TNKS: variants seen among roughly 807,000 people sequenced by gnomAD.
TNKS encodes poly [ADP-ribose] polymerase tankyrase-1.
A neutral mutation model predicts 135.8 loss-of-function variants in TNKS; 72 were observed. The observed-to-expected ratio is 0.53, with a 90% CI of 0.44 to 0.64. The LOEUF is 0.64. TNKS is among the 30% of genes least tolerant of loss of function. TNKS has a pLI of 0.00. For synonymous variants in TNKS, 849 were observed against 649.3 expected, an observed-to-expected ratio of 1.31 and a Z score of -4.68; for missense variants, 1,769 against 1,674.0, an observed-to-expected ratio of 1.06 and a Z score of -0.99.
At chr8:9,666,188 A>G (rs2128790428) in intron 3 of TNKS, among the ~76,000 whole-genome samples, 1 of 152,310 alleles carries the variant, frequency 6.6e-6, no homozygotes, top group Middle Eastern at 3.4e-3. Flanking sequence ...CACTCGTCAC[A>G]GCTGGCTGCT....
intron 3 of TNKS, among the ~76,000 whole-genome samples, chr8:9,674,126 A>G (rs749309229): frequency 3.3e-5 from 5 of 152,184 alleles, no homozygotes; most frequent in Non-Finnish European, 7.3e-5. Flanking sequence ...AAGTCTGTTT[A>G]AAGCAACATT....
chr8:9,636,477 G>C (rs1401130795), intron 3 of TNKS, among the ~76,000 whole-genome samples: 1 of 151,716 alleles, frequency 6.6e-6, no homozygotes, highest in Non-Finnish European at 1.5e-5. Context: ...TAACTGCATT[G>C]ATGGTCTTTT....
At chr8:9,749,589 C>G (rs1806412241) in intron 18 of TNKS, among the ~76,000 whole-genome samples, 1 of 151,640 alleles carries the variant, frequency 6.6e-6, no homozygotes, top group Non-Finnish European at 1.5e-5. Context: ...ATCCTCGTAT[C>G]TCAATCTCCT....
At chr8:9,628,304 T>G (rs962160255) in intron 3 of TNKS, among the ~76,000 whole-genome samples, 2 of 152,224 alleles carry the variant, frequency 1.3e-5, no homozygotes, top group African/African-American at 4.8e-5. Context: ...TAAACTCACC[T>G]GGTACTGTTT....
At chr8:9,754,560 T>G (rs745699029) in intron 20 of TNKS, among the ~76,000 whole-genome samples, 6 of 152,158 alleles carry the variant, frequency 3.9e-5, no homozygotes, top group Non-Finnish European at 7.3e-5. Flanking sequence ...TTAATGCTCT[T>G]AATGATAAGA....
intron 3 of TNKS, among the ~76,000 whole-genome samples, chr8:9,646,690 A>G (rs1020497009): frequency 4.6e-5 from 7 of 152,196 alleles, no homozygotes; most frequent in Non-Finnish European, 1.0e-4. Context: ...CAGTGCATGG[A>G]TATTTCAGTA....
At position 9,615,616 on chromosome 8, in the gene TNKS, G is replaced by T; in HGVS notation, c.933G>T (p.Arg311=). The T allele has an allele frequency of 1.2e-6, 2 of 1,613,622 alleles. No individual in the cohort carries two copies. Among genetic ancestry groups the T allele is most frequent in the South Asian group, 2.2e-5 (2 of 90,930 alleles). The change falls in exon 3 of 27, where the codon CGG becomes CGT. Residue 311 remains arginine, a synonymous_variant. Coordinates refer to ENST00000310430, the MANE Select transcript of TNKS (RefSeq NM_003747.3). ...LLQHGADPNI[R]NTDGKSALDL... Reference sequence around the variant, plus strand: ...AGCACGGAGCTGACCCAAACATTCGGAACACTGATGGGAAATCAGCCCTGG... The same window carrying T: ...AGCACGGAGCTGACCCAAACATTCGTAACACTGATGGGAAATCAGCCCTGG...
intron 25 of TNKS, among the ~76,000 whole-genome samples, chr8:9,768,335 G>C (rs1807593514): frequency 6.6e-6 from 1 of 152,168 alleles, no homozygotes; most frequent in African/African-American, 2.4e-5. Context: ...GAGTGCAGTC[G>C]ATTGCCCAGT....
At chr8:9,721,414 C>G (rs1464360571) in intron 12 of TNKS, among the ~76,000 whole-genome samples, 1 of 150,888 alleles carries the variant, frequency 6.6e-6, no homozygotes, top group Non-Finnish European at 1.5e-5. Context: ...TCCTAAGTCC[C>G]AAAACTAGAG....
intron 5 of TNKS, among the ~76,000 whole-genome samples, chr8:9,701,453 T>C (rs1803800312): frequency 6.6e-6 from 1 of 152,206 alleles, no homozygotes. Context: ...CTATACTAGC[T>C]TGCTGACTTA....
At chr8:9,595,530 C>T (rs1265717216) in intron 2 of TNKS, among the ~76,000 whole-genome samples, 3 of 151,536 alleles carry the variant, frequency 2.0e-5, no homozygotes, top group African/African-American at 7.3e-5. Flanking sequence ...TTATTCTGTA[C>T]AATAGTGGTA....
chr8:9,721,972 G>C (rs950298002), intron 12 of TNKS, among the ~76,000 whole-genome samples: 2 of 151,624 alleles, frequency 1.3e-5, no homozygotes, highest in Admixed American at 1.3e-4. Flanking sequence ...AGAATCACTG[G>C]AACCTAGGAG....
chr8:9,625,658 T>TA (rs532838428), intron 3 of TNKS, among the ~76,000 whole-genome samples: 65 of 152,320 alleles, frequency 4.3e-4, no homozygotes, highest in African/African-American at 1.4e-3. Context: ...ACAGACTATT[T>TA]AGAGTATGGT....
rs531276068 is a variant in TNKS at position 9,629,289 on chromosome 8, G to T, written c.994+13612G>T. ...GATGCAGACTCCTAATCTTGCCGAG[G>T]AGTGACATTGCAGCCCAGCTGTAGA... is the stretch of plus-strand genomic sequence containing the variant. On this transcript the variant is annotated intron_variant, in intron 3 of 26. Transcript: ENST00000310430. Among the ~76,000 whole-genome samples, 118 of 152,314 alleles carry T rather than the reference G, an allele frequency of 7.7e-4. 1 individual carries two copies. Among genetic ancestry groups the T allele is most frequent in the Non-Finnish European group, 1.3e-3 (88 of 68,026 alleles).
intron 5 of TNKS, among the ~76,000 whole-genome samples, chr8:9,692,997 T>A (rs539285201): frequency 6.6e-6 from 1 of 152,356 alleles, no homozygotes; most frequent in South Asian, 2.1e-4. Flanking sequence ...CTTCTTAGTT[T>A]CTTAGCAGAT....
At chr8:9,761,684 G>GGTAA in intron 21 of TNKS, 48 bp downstream of exon 21, 6 of 1,567,354 alleles carry the variant, frequency 3.8e-6, no homozygotes, top group Middle Eastern at 1.7e-4. Context: ...AGTGGTACAA[G>GGTAA]GTAAGTATTG....
At chr8:9,559,364 A>G (rs970034806) in intron 1 of TNKS, among the ~76,000 whole-genome samples, 5 of 152,180 alleles carry the variant, frequency 3.3e-5, no homozygotes, top group Non-Finnish European at 7.4e-5. Context: ...CAAAGGTTGG[A>G]AGGGACGATG....
intron 5 of TNKS, among the ~76,000 whole-genome samples, chr8:9,691,552 C>G (rs561161799): frequency 5.8e-4 from 88 of 152,256 alleles, no homozygotes; most frequent in Admixed American, 1.8e-3. Context: ...ATGAGAGTTT[C>G]TAAGTCAGAC....
intron 9 of TNKS, 71 bp from the exon 10 acceptor site, chr8:9,709,884 A>G: frequency 8.8e-7 from 1 of 1,139,620 alleles, no homozygotes; most frequent in African/African-American, 1.5e-5. Context: ...GTCAGCAGAT[A>G]CTGTTCAATT....
Sources: gnomAD v4.1 joint callset for allele counts (sites outside exome capture counted in the v4.1 genomes callset) on GRCh38, gnomAD v4.1.1 for gene constraint, MANE v1.5 for transcripts, NCBI Gene and HGNC (gene_info 2026-07-23, HGNC 2026-07-21) for gene names.